Variants in TTC8 observed in about 807,000 individuals in gnomAD.
TTC8 encodes the protein tetratricopeptide repeat domain 8.
In TTC8, 47 loss-of-function variants were observed where a neutral mutation model predicts 72.5. That is an observed-to-expected ratio of 0.65 (90% CI 0.51 to 0.83). The LOEUF (loss-of-function observed/expected upper bound fraction) is 0.83, where lower values mean the gene tolerates loss of function less well. Ranked by LOEUF, TTC8 falls within the 40% of genes least tolerant of loss-of-function variation. The probability of loss-of-function intolerance (pLI) is 0.00; values close to 1 mark genes in which losing one functional copy is unlikely to be tolerated. For synonymous variants in TTC8, 199 were observed against 221.4 expected (o/e 0.90, Z 0.90); for missense variants, 611 against 623.2 (o/e 0.98, Z 0.21).
In TTC8 at chr14:88,877,426, C is replaced by T. The variant is rs183060026; in HGVS notation, c.*16C>T. The T allele has an allele frequency of 6.5e-4, 1,034 of 1,590,332 alleles. 2 individuals carry two copies. Among genetic ancestry groups the T allele is most frequent in the Non-Finnish European group, 7.3e-4 (842 of 1,158,542 alleles). On this transcript the variant is annotated 3_prime_UTR_variant, in exon 15 of 15. Coordinates refer to ENST00000380656, the MANE Select transcript of TTC8 (RefSeq NM_144596.4). ...TATGCTCTGATTGTTCCTTAGACCA[C>T]ATATGTTCTTATGAAGCAGCATTAT...
intron 10 of TTC8, among the ~76,000 whole-genome samples, chr14:88,863,626 G>A (rs1005916641): frequency 6.6e-6 from 1 of 152,218 alleles, no homozygotes. Flanking sequence ...ATCATCTGGG[G>A]AAATTTCATA....
Position 88,857,219 on chromosome 14 carries a change from A to G in TTC8, c.740A>G (p.Gln247Arg). The G allele has an allele frequency of 6.2e-7, 1 of 1,613,946 alleles. No individual in the cohort carries two copies. The highest frequency in any genetic ancestry group is 8.5e-7 in the Non-Finnish European group (1 of 1,179,926). The stretch of plus-strand genomic sequence containing the variant: ...GGAATGTATCGTGAAGCAGAAAAAC[A>G]GTTTAAATCAGCCCTGAAGCAGCAG... Reference protein sequence around the residue: ...RLGMYREAEKQFKSALKQQEM... With the variant: ...RLGMYREAEKRFKSALKQQEM... Residue 247 changes from glutamine to arginine, a missense_variant, in exon 9 of 15, where the codon CAG becomes CGG. Physicochemically the swap from Gln to Arg is conservative, Grantham distance 43. Coordinates refer to ENST00000380656, the MANE Select transcript of TTC8 (RefSeq NM_144596.4).
upstream of TTC8, chr14:88,824,175 A>G (rs561274547): frequency 6.6e-6 from 1 of 152,492 alleles, no homozygotes; most frequent in South Asian, 2.1e-4. Flanking sequence ...AACAGCGGAC[A>G]ATTTCAGGAT....
At chr14:88,838,117 G>A (rs770127329) in intron 2 of TTC8, among the ~76,000 whole-genome samples, 2 of 152,038 alleles carry the variant, frequency 1.3e-5, no homozygotes, top group South Asian at 2.1e-4. Context: ...TAAAATGAAC[G>A]CATGATGTTA....
chr14:88,836,719 A>G (rs945388785), intron 2 of TTC8, among the ~76,000 whole-genome samples: 8 of 152,182 alleles, frequency 5.3e-5, no homozygotes, highest in Non-Finnish European at 1.2e-4. Flanking sequence ...AGTAAAATAT[A>G]TTAATAACCA....
Position 88,873,526 on chromosome 14 carries a change from T to C in TTC8, c.1347+1074T>C, listed in dbSNP as rs1365565564. 3.3e-5 allele frequency among the ~76,000 whole-genome samples: 5 copies of C among 152,342 alleles called. No individual in the cohort carries two copies. In the South Asian group the frequency reaches 6.2e-4, roughly 19 times the overall value. On this transcript the variant is annotated intron_variant, in intron 13 of 14. Coordinates refer to ENST00000380656, the MANE Select transcript of TTC8 (RefSeq NM_144596.4). Reference sequence around the variant, plus strand: ...GACCATATCTGTCATGTAACTGTTATATTCCCAGCATCAGAAACAGTACCT... The same window carrying C: ...GACCATATCTGTCATGTAACTGTTACATTCCCAGCATCAGAAACAGTACCT...
In TTC8 at chr14:88,824,715, C is replaced by T. The variant is rs752229926; in HGVS notation, c.8C>T (p.Ser3Leu). Residue 3 changes from serine to leucine, a missense_variant, in exon 1 of 15, where the codon TCG becomes TTG. Coordinates refer to ENST00000380656, the MANE Select transcript of TTC8 (RefSeq NM_144596.4). ...CTGGCCGCACCGGCAGCCATGAGCT[C>T]GGAGATGGAGCCGCTGCTCCTGGCC... Reference protein sequence around the residue: MSSEMEPLLLAWS... With the variant: MSLEMEPLLLAWS... The T allele has an allele frequency of 2.5e-6, 4 of 1,607,880 alleles. No individual in the cohort carries two copies. The highest frequency in any genetic ancestry group is 1.3e-5 in the African/African-American group (1 of 74,938).
intron 14 of TTC8, among the ~76,000 whole-genome samples, chr14:88,876,269 T>C (rs1020765819): frequency 1.3e-5 from 2 of 152,192 alleles, no homozygotes; most frequent in African/African-American, 4.8e-5. Context: ...AGCAAAAGGC[T>C]GCACTTCCAT....
intron 3 of TTC8, 54 bp downstream of exon 3, chr14:88,839,626 C>T: frequency 6.3e-7 from 1 of 1,592,414 alleles, no homozygotes; most frequent in Non-Finnish European, 8.6e-7. Context: ...AGGAAGAATA[C>T]TGTGTATAAG....
At chr14:88,853,599 C>G (rs960138574) in intron 8 of TTC8, among the ~76,000 whole-genome samples, 3 of 152,176 alleles carry the variant, frequency 2.0e-5, no homozygotes, top group South Asian at 2.1e-4. Context: ...TCCAAATTCA[C>G]GTAACCAGTA....
Position 88,871,847 on chromosome 14 carries a change from T to A in TTC8, c.1224+124T>A. 1 of 1,098,618 alleles carries A rather than the reference T, an allele frequency of 9.1e-7. No homozygotes were observed. The highest frequency in any genetic ancestry group is 1.4e-6 in the Non-Finnish European group (1 of 729,686). The allele number at this position is 1,098,618 out of a possible 1,614,324, so 68.1% of individuals were successfully genotyped here. On this transcript the variant is annotated intron_variant, in intron 12 of 14. Coordinates refer to ENST00000380656, the MANE Select transcript of TTC8 (RefSeq NM_144596.4). The surrounding 1 kb of genome is among the most constrained non-coding windows in gnomAD (Gnocchi z 4.1). ...CAGGAGGATTGCTTGAGCCCAGGAG[T>A]TTGAGACCACCCTGGGCAACATAGT...
rs561741802 is a variant in TTC8 at position 88,843,996 on chromosome 14, A to C, written c.624+146A>C. On this transcript the variant is annotated intron_variant, in intron 7 of 14. Transcript: ENST00000380656. The stretch of plus-strand genomic sequence containing the variant: ...TACTAATACTTTAAAATCCACCCTC[A>C]GTTTCTGTGGGAAAATGTGTATAAA... The C allele has an allele frequency of 2.6e-4, 165 of 636,096 alleles. 1 individual carries two copies. The South Asian group carries it at 3.1e-3, about 12-fold the overall frequency. 39.4% of individuals were successfully genotyped at this position (636,096 alleles called of 1,614,324 possible).
intron 7 of TTC8, among the ~76,000 whole-genome samples, chr14:88,847,648 T>C (rs1482509901): frequency 6.6e-6 from 1 of 152,046 alleles, no homozygotes; most frequent in Non-Finnish European, 1.5e-5. Flanking sequence ...TAGCAAACAT[T>C]AGGGTATTTC....
intron 6 of TTC8, among the ~76,000 whole-genome samples, chr14:88,843,006 C>T (rs2094789132): frequency 6.6e-6 from 1 of 151,840 alleles, no homozygotes; most frequent in East Asian, 1.9e-4. Flanking sequence ...TTGGTTGCCT[C>T]CAAGTCTTCT....
chr14:88,879,006 C>A (rs765605488), downstream of TTC8: 2 of 152,156 alleles, frequency 1.3e-5, no homozygotes, highest in Non-Finnish European at 2.9e-5. Context: ...CTCTCTGTTT[C>A]TGCTGTAAAT....
chr14:88,843,322 C>T (rs980388698), intron 6 of TTC8, among the ~76,000 whole-genome samples: 2 of 152,086 alleles, frequency 1.3e-5, no homozygotes, highest in African/African-American at 4.8e-5. Flanking sequence ...GCTAAAGAAA[C>T]CTGAATATTC....
intron 8 of TTC8, 66 bp from the exon 9 acceptor site, chr14:88,857,124 C>A: frequency 2.9e-6 from 4 of 1,380,628 alleles, no homozygotes; most frequent in African/African-American, 2.8e-5. Context: ...CTCTATTCAT[C>A]CTCAGGGTAT....
At chr14:88,844,318 G>T (rs1246016384) in intron 7 of TTC8, among the ~76,000 whole-genome samples, 1 of 152,112 alleles carries the variant, frequency 6.6e-6, no homozygotes, top group Non-Finnish European at 1.5e-5. Context: ...TCTTAACAGA[G>T]AATTTTAAAG....
At chr14:88,826,433 G>A (rs1449011793) in intron 1 of TTC8, among the ~76,000 whole-genome samples, 2 of 151,882 alleles carry the variant, frequency 1.3e-5, no homozygotes, top group African/African-American at 4.8e-5. Flanking sequence ...GGCCGGGCAC[G>A]GTGGCTTATG....
Sources: gnomAD v4.1 joint callset for allele counts (sites outside exome capture counted in the v4.1 genomes callset) on GRCh38, gnomAD v4.1.1 for gene constraint, Gnocchi (gnomAD v3.1) non-coding constraint, MANE v1.5 for transcripts, NCBI Gene and HGNC (gene_info 2026-07-23, HGNC 2026-07-21) for gene names.